The following NCOA7 variants were observed in gnomAD, a reference collection of about 807,000 sequenced individuals.
NCOA7 encodes nuclear receptor coactivator 7.
In NCOA7, 45 loss-of-function variants were observed where a neutral mutation model predicts 104.3. The observed-to-expected ratio is 0.43, with a 90% CI of 0.34 to 0.55. NCOA7 has a LOEUF of 0.55. Ranked by LOEUF, NCOA7 falls within the 20% of genes least tolerant of loss-of-function variation. NCOA7 has a pLI of 0.02. For synonymous variants in NCOA7, 398 were observed against 402.3 expected (o/e 0.99, Z 0.13); for missense variants, 1,041 against 1,119.7 (o/e 0.93, Z 1.00).
intron 10 of NCOA7, among the ~76,000 whole-genome samples, chr6:125,908,724 T>C (rs992860193): frequency 6.6e-6 from 1 of 152,224 alleles, no homozygotes; most frequent in Admixed American, 6.5e-5. Flanking sequence ...CTCTCCAGAA[T>C]ACTAAGTCCT....
At chr6:125,927,901 C>T (rs891672258) in intron 14 of NCOA7, 143 bp downstream of exon 14, 18 of 753,276 alleles carry the variant, frequency 2.4e-5, no homozygotes, top group African/African-American at 1.2e-4. Context: ...GACTGTAGCT[C>T]GCAAACTGCT....
At chr6:125,874,739 T>G in intron 3 of NCOA7, 150 bp from the exon 4 acceptor site, 42 of 578,380 alleles carry the variant, frequency 7.3e-5, no homozygotes, top group Middle Eastern at 4.7e-4. Flanking sequence ...TGTGCTTTTA[T>G]GAGTATGATC....
intron 14 of NCOA7, 113 bp from the exon 15 acceptor site, chr6:125,928,061 C>T (rs780472672): frequency 4.7e-4 from 478 of 1,012,114 alleles, no homozygotes; most frequent in Non-Finnish European, 6.2e-4. Context: ...GGAACTTCCT[C>T]CGTCAATGGG....
chr6:125,927,651 T>C lies in NCOA7; in HGVS notation c.2524-12T>C, dbSNP rs1195717705. ...TTTGAATGTAGGTAACATTTCTGTT[T>C]TCTTTTGACAGATTTTTGGAGCATA... On this transcript the variant is annotated splice_polypyrimidine_tract_variant and intron_variant, in intron 13 of 15. Coordinates refer to ENST00000392477, the MANE Select transcript of NCOA7 (RefSeq NM_181782.5). The C allele has an allele frequency of 1.2e-6, 2 of 1,608,078 alleles. No homozygotes were observed. Among genetic ancestry groups the C allele is most frequent in the Non-Finnish European group, 1.7e-6 (2 of 1,174,460 alleles).
intron 2 of NCOA7, among the ~76,000 whole-genome samples, chr6:125,852,495 G>C (rs562840127): frequency 6.6e-6 from 1 of 152,206 alleles, no homozygotes; most frequent in South Asian, 2.1e-4. Context: ...GCCCAGCCCA[G>C]AAGAATTTTT....
chr6:125,807,804 C>T (rs567099495), intron 1 of NCOA7, among the ~76,000 whole-genome samples: 47 of 152,306 alleles, frequency 3.1e-4, no homozygotes, highest in African/African-American at 9.6e-4. Context: ...TCTTCTCCCT[C>T]CAGGTTCAGA....
chr6:125,857,043 A>G (rs551330727), intron 3 of NCOA7, among the ~76,000 whole-genome samples: 1 of 152,326 alleles, frequency 6.6e-6, no homozygotes, highest in South Asian at 2.1e-4. Flanking sequence ...GTGGGCTAAG[A>G]TGATAGTATA....
At chr6:125,871,832 C>CA (rs375060321) in intron 3 of NCOA7, among the ~76,000 whole-genome samples, 2 of 151,920 alleles carry the variant, frequency 1.3e-5, no homozygotes, top group South Asian at 4.2e-4. Context: ...CCTGTCTCTA[C>CA]AAAAAAATGC....
chr6:125,920,201 A>G (rs904067100), intron 11 of NCOA7, among the ~76,000 whole-genome samples: 9 of 152,246 alleles, frequency 5.9e-5, no homozygotes, highest in Non-Finnish European at 1.3e-4. Context: ...TGAACAGTAC[A>G]TAAATAATTG....
At chr6:125,898,628 A>G (rs1236230756) in intron 10 of NCOA7, among the ~76,000 whole-genome samples, 1 of 152,214 alleles carries the variant, frequency 6.6e-6, no homozygotes, top group Non-Finnish European at 1.5e-5. Flanking sequence ...CTAAAAAAAA[A>G]CTATTCTGAT....
chr6:125,863,543 C>T (rs188783674), intron 3 of NCOA7, among the ~76,000 whole-genome samples: 1 of 138,220 alleles, frequency 7.2e-6, no homozygotes, highest in East Asian at 2.1e-4. Context: ...AACAAATAAA[C>T]TAAGTACAGT....
chr6:125,874,181 C>T (rs1005879224), intron 3 of NCOA7, among the ~76,000 whole-genome samples: 2 of 152,100 alleles, frequency 1.3e-5, no homozygotes, highest in Admixed American at 6.5e-5. Context: ...AAAAATTAGC[C>T]GGACATGGTG....
chr6:125,871,493 C>A (rs1236336545), intron 3 of NCOA7, among the ~76,000 whole-genome samples: 1 of 152,240 alleles, frequency 6.6e-6, no homozygotes, highest in Admixed American at 6.5e-5. Flanking sequence ...TAATATGAAA[C>A]CTTGCCTTGA....
At chr6:125,921,632 T>TA (rs1424440585) in intron 12 of NCOA7, among the ~76,000 whole-genome samples, 3 of 152,078 alleles carry the variant, frequency 2.0e-5, no homozygotes, top group East Asian at 1.9e-4. Context: ...TTTCTAATCT[T>TA]AAAAAAATAA....
Position 125,863,137 on chromosome 6 carries a change from A to T in NCOA7, c.271+7897A>T, listed in dbSNP as rs1214196442. On this transcript the variant is annotated intron_variant, in intron 3 of 15. Transcript: ENST00000392477. Reference sequence around the variant, plus strand: ...TAGAAATCAGTTATATTTCCTTAGAAACTCCAGTAGTTAGGGAGCATGAAT... The same window carrying T: ...TAGAAATCAGTTATATTTCCTTAGATACTCCAGTAGTTAGGGAGCATGAAT... 1.0e-4 allele frequency among the ~76,000 whole-genome samples: 14 copies of T among 139,244 alleles called. 5 individuals carry two copies. The highest frequency in any genetic ancestry group is 3.3e-4 in the African/African-American group (11 of 33,668). 91.3% of individuals were successfully genotyped at this position (139,244 alleles called of 152,430 possible).
At chr6:125,908,217 G>A (rs968904680) in intron 10 of NCOA7, among the ~76,000 whole-genome samples, 1 of 152,180 alleles carries the variant, frequency 6.6e-6, no homozygotes, top group Non-Finnish European at 1.5e-5. Flanking sequence ...GGCACCAGCA[G>A]GTAAGAATGC....
At chr6:125,907,129 T>C (rs1786083062) in intron 10 of NCOA7, among the ~76,000 whole-genome samples, 1 of 152,162 alleles carries the variant, frequency 6.6e-6, no homozygotes, top group Non-Finnish European at 1.5e-5. Flanking sequence ...CTCAGAGGCA[T>C]AGCATGAGGG....
At chr6:125,848,722 A>T (rs111827711) in intron 2 of NCOA7, among the ~76,000 whole-genome samples, 17 of 152,320 alleles carry the variant, frequency 1.1e-4, no homozygotes, top group Middle Eastern at 3.4e-3. Context: ...TGGGTGCAGC[A>T]AACCAACATG....
chr6:125,856,240 A>G (rs1781536559), intron 3 of NCOA7, among the ~76,000 whole-genome samples: 1 of 152,080 alleles, frequency 6.6e-6, no homozygotes, highest in African/African-American at 2.4e-5. Context: ...GGTAAATGAA[A>G]TGTGGTCTCA....
Sources: allele counts gnomAD v4.1 joint callset (sites outside exome capture counted in the v4.1 genomes callset), GRCh38; gene constraint gnomAD v4.1.1; transcripts MANE v1.5; gene names NCBI Gene and HGNC (gene_info 2026-07-23, HGNC 2026-07-21).